KCNQ5: variants seen among roughly 807,000 people sequenced by gnomAD.
KCNQ5 encodes the protein potassium voltage-gated channel subfamily KQT member 5.
Under a neutral mutation model 98.2 loss-of-function variants are expected in KCNQ5, and 30 were observed. That is an observed-to-expected ratio of 0.31 (90% confidence interval 0.23 to 0.41). KCNQ5 has a LOEUF of 0.41. Ranked by LOEUF, KCNQ5 falls within the 10% of genes least tolerant of loss-of-function variation. The pLI is 1.00. For missense variants in KCNQ5, 835 were observed against 1,182.5 expected (o/e 0.71, Z 4.31); for synonymous variants, 458 against 449.4 (o/e 1.02, Z -0.24).
intron 1 of KCNQ5, among the ~76,000 whole-genome samples, chr6:72,930,709 A>C (rs1427538075): frequency 6.6e-6 from 1 of 152,112 alleles, no homozygotes; most frequent in Non-Finnish European, 1.5e-5. Flanking sequence ...TGCTTACATT[A>C]ATTGCTTTCA....
At chr6:72,794,207 C>T (rs1774206506) in intron 1 of KCNQ5, among the ~76,000 whole-genome samples, 1 of 152,156 alleles carries the variant, frequency 6.6e-6, no homozygotes, top group Non-Finnish European at 1.5e-5. Flanking sequence ...GATAAATGAA[C>T]ATTGAAATGC....
chr6:72,780,387 A>G (rs1032834953), intron 1 of KCNQ5, among the ~76,000 whole-genome samples: 1 of 152,252 alleles, frequency 6.6e-6, no homozygotes, highest in Non-Finnish European at 1.5e-5. Context: ...AATCACAAGC[A>G]AATGTGAGGT....
At chr6:73,016,004 A>G (rs1770321354) in intron 2 of KCNQ5, among the ~76,000 whole-genome samples, 1 of 152,148 alleles carries the variant, frequency 6.6e-6, no homozygotes, top group Non-Finnish European at 1.5e-5. Flanking sequence ...TTCTTTTTTA[A>G]GAGCTGAGGA....
At chr6:73,172,307 G>A (rs1024525330) in intron 11 of KCNQ5, among the ~76,000 whole-genome samples, 2 of 152,052 alleles carry the variant, frequency 1.3e-5, no homozygotes, top group Non-Finnish European at 2.9e-5. Flanking sequence ...ATGCTGCGGT[G>A]AGCCAAGATT....
intron 3 of KCNQ5, among the ~76,000 whole-genome samples, chr6:73,054,504 G>A (rs184853704): frequency 6.6e-6 from 1 of 152,276 alleles, no homozygotes; most frequent in East Asian, 1.9e-4. Flanking sequence ...CACTATCAAG[G>A]AGGCTTCGTC....
chr6:73,172,884 T>C lies in KCNQ5; in HGVS notation c.1577+3030T>C, dbSNP rs1268940184. Among the ~76,000 whole-genome samples the C allele has an allele frequency of 4.6e-5, 7 of 152,360 alleles. No individual in the cohort carries two copies. The East Asian group carries it at 1.3e-3, about 29-fold the overall frequency. On this transcript the variant is annotated intron_variant, in intron 11 of 13. Coordinates refer to ENST00000370398, the MANE Select transcript of KCNQ5 (RefSeq NM_019842.4). ...GTGTAACAAAAAATATGTATTCTAC[T>C]GCAAGGATGACAGTATGGAAAATAA...
At position 72,700,369 on chromosome 6, in the gene KCNQ5, TCAAA is replaced by T. The variant is rs139371112; in HGVS notation, c.398+77786_398+77789del. Among the ~76,000 whole-genome samples the T allele has an allele frequency of 1.2e-3, 181 of 152,272 alleles. 1 individual carries two copies. The East Asian group carries it at 0.026, about 22-fold the overall frequency. On this transcript the variant is annotated intron_variant, in intron 1 of 13. Transcript: ENST00000370398. ...CTTAGTTTAAGGTATTCTGAATTCT[TCAAA>T]CAATTTCTGCCATGAATAATTCCAT...
chr6:72,655,007 T>C (rs1299103622), intron 1 of KCNQ5, among the ~76,000 whole-genome samples: 1 of 151,408 alleles, frequency 6.6e-6, no homozygotes, highest in Non-Finnish European at 1.5e-5. Context: ...TTTCCATGTT[T>C]AATAGCCAAG....
chr6:72,945,626 T>A (rs1766507396), intron 1 of KCNQ5, among the ~76,000 whole-genome samples: 1 of 151,938 alleles, frequency 6.6e-6, no homozygotes, highest in South Asian at 2.1e-4. Context: ...GGCTAATTTT[T>A]AAATTTTTTA....
At chr6:72,842,375 TC>T (rs1776833691) in intron 1 of KCNQ5, among the ~76,000 whole-genome samples, 1 of 152,228 alleles carries the variant, frequency 6.6e-6, no homozygotes, top group African/African-American at 2.4e-5. Context: ...CAACTATGAT[TC>T]ATTGAATGCA....
chr6:72,954,901 A>G (rs1423332988), intron 1 of KCNQ5, among the ~76,000 whole-genome samples: 1 of 152,230 alleles, frequency 6.6e-6, no homozygotes, highest in Non-Finnish European at 1.5e-5. Context: ...TGTATGTACA[A>G]GCTCACAGCT....
intron 1 of KCNQ5, chr6:72,987,764 G>A: frequency 2.1e-6 from 1 of 468,606 alleles, no homozygotes; most frequent in Non-Finnish European, 4.0e-6. Context: ...CTAGAGTTTT[G>A]TCCCCTCAAA....
chr6:72,723,051 T>C (rs925918841), intron 1 of KCNQ5, among the ~76,000 whole-genome samples: 1 of 151,944 alleles, frequency 6.6e-6, no homozygotes, highest in Non-Finnish European at 1.5e-5. Context: ...GGTTTCACCT[T>C]GCTGCCCAGG....
At chr6:73,115,974 G>A (rs932127149) in intron 7 of KCNQ5, among the ~76,000 whole-genome samples, 3 of 152,192 alleles carry the variant, frequency 2.0e-5, no homozygotes, top group South Asian at 2.1e-4. Context: ...TCAAGGAAGC[G>A]AAAGAATGGA....
chr6:72,944,267 A>G (rs988635356), intron 1 of KCNQ5, among the ~76,000 whole-genome samples: 3 of 152,168 alleles, frequency 2.0e-5, no homozygotes, highest in African/African-American at 7.2e-5. Context: ...CTCTTTTGCC[A>G]CATTTTGTGA....
chr6:73,034,839 C>CTTTTTTTT (rs71669816), intron 2 of KCNQ5, among the ~76,000 whole-genome samples: 6 of 113,540 alleles, frequency 5.3e-5, no homozygotes, highest in African/African-American at 1.9e-4. Context: ...TGCCTCTTTT[C>CTTTTTTTT]TTTTTTTTTT....
chr6:72,908,042 A>C (rs780606314), intron 1 of KCNQ5, among the ~76,000 whole-genome samples: 1 of 152,120 alleles, frequency 6.6e-6, no homozygotes, highest in African/African-American at 2.4e-5. Context: ...ATAACCCTTG[A>C]AATTTTAATA....
At chr6:72,891,624 A>G (rs1779061244) in intron 1 of KCNQ5, among the ~76,000 whole-genome samples, 1 of 152,168 alleles carries the variant, frequency 6.6e-6, no homozygotes, top group African/African-American at 2.4e-5. Context: ...TGAATGCCTC[A>G]AAAATAATGG....
intron 1 of KCNQ5, among the ~76,000 whole-genome samples, chr6:72,694,062 T>C (rs1768353797): frequency 6.6e-6 from 1 of 152,166 alleles, no homozygotes; most frequent in Non-Finnish European, 1.5e-5. Context: ...AAGTAAAAAC[T>C]AGGACAGTCC....
Sources: gnomAD v4.1 joint callset for allele counts (sites outside exome capture counted in the v4.1 genomes callset) on GRCh38, gnomAD v4.1.1 for gene constraint, MANE v1.5 for transcripts, NCBI Gene and HGNC (gene_info 2026-07-23, HGNC 2026-07-21) for gene names.